The following FHIP1A variants were observed in gnomAD, a reference collection of about 807,000 sequenced individuals.
The protein encoded by FHIP1A is FHF complex subunit HOOK-interacting protein 1A.
Under a neutral mutation model 88.6 loss-of-function variants are expected in FHIP1A, and 61 were observed. The observed-to-expected ratio is 0.69, with a 90% CI of 0.56 to 0.85. The LOEUF (loss-of-function observed/expected upper bound fraction) is 0.85. FHIP1A is among the 40% of genes least tolerant of loss of function. The pLI, the probability that FHIP1A is intolerant of heterozygous loss-of-function variation, is 0.00. For synonymous variants in FHIP1A, 478 were observed against 496.0 expected (o/e 0.96, Z 0.48); for missense variants, 1,154 against 1,273.5 (o/e 0.91, Z 1.43).
intron 3 of FHIP1A, among the ~76,000 whole-genome samples, chr4:151,513,914 G>C (rs1731129107): frequency 6.7e-6 from 1 of 150,256 alleles, no homozygotes; most frequent in African/African-American, 2.5e-5. Flanking sequence ...AGTTAACAAG[G>C]ATACCCAGGA....
intron 1 of FHIP1A, among the ~76,000 whole-genome samples, chr4:151,411,759 T>C (rs1332748260): frequency 6.6e-6 from 1 of 152,212 alleles, no homozygotes; most frequent in Non-Finnish European, 1.5e-5. Context: ...CTTTATTCTG[T>C]GTACATCTGT....
intron 1 of FHIP1A, among the ~76,000 whole-genome samples, chr4:151,411,774 T>C (rs547010429): frequency 6.6e-6 from 1 of 152,314 alleles, no homozygotes; most frequent in African/African-American, 2.4e-5. Flanking sequence ...ATCTGTCTTC[T>C]AGGGTGATAC....
chr4:151,608,877 TTAGTAG>T (rs1312158395), intron 7 of FHIP1A, among the ~76,000 whole-genome samples: 5 of 152,190 alleles, frequency 3.3e-5, no homozygotes, highest in African/African-American at 9.7e-5. Context: ...AACTTAAGAC[TTAGTAG>T]TAGTATCTAA....
intron 1 of FHIP1A, among the ~76,000 whole-genome samples, chr4:151,416,466 A>G (rs1732894467): frequency 6.6e-6 from 1 of 152,160 alleles, no homozygotes. Flanking sequence ...TGTAATTTCT[A>G]TACACACATA....
At chr4:151,635,124 C>CA (rs1736301366) in intron 8 of FHIP1A, among the ~76,000 whole-genome samples, 1 of 151,448 alleles carries the variant, frequency 6.6e-6, no homozygotes, top group Admixed American at 6.6e-5. Context: ...TACAAAGGAC[C>CA]AAAAAATATA....
At chr4:151,609,746 T>C (rs1304717661) in intron 7 of FHIP1A, among the ~76,000 whole-genome samples, 1 of 152,172 alleles carries the variant, frequency 6.6e-6, no homozygotes, top group African/African-American at 2.4e-5. Flanking sequence ...GAAGACCAGA[T>C]CTTTCCTCTC....
intron 7 of FHIP1A, among the ~76,000 whole-genome samples, chr4:151,607,361 A>G (rs4696101): frequency 0.28 from 42,922 of 152,160 alleles, 6,335 homozygotes; most frequent in Non-Finnish European, 0.33. Flanking sequence ...CGGTAGCACT[A>G]TTAAATCTGG....
intron 8 of FHIP1A, among the ~76,000 whole-genome samples, chr4:151,633,643 C>T (rs1397543661): frequency 6.6e-6 from 1 of 151,794 alleles, no homozygotes; most frequent in African/African-American, 2.4e-5. Context: ...TGCAATGATA[C>T]TTCACCATAT....
intron 8 of FHIP1A, among the ~76,000 whole-genome samples, chr4:151,631,249 A>G (rs927191352): frequency 3.3e-5 from 5 of 152,090 alleles, no homozygotes; most frequent in African/African-American, 9.7e-5. Context: ...TAGGCTGAGA[A>G]AAAAAGAGGG....
In FHIP1A at chr4:151,666,835, C is replaced by G. The variant is rs1737683574; in HGVS notation, c.*4081C>G. Among the ~76,000 whole-genome samples the G allele has an allele frequency of 1.3e-5, 2 of 152,206 alleles. No individual in the cohort carries two copies. Among genetic ancestry groups the G allele is most frequent in the African/African-American group, 4.8e-5 (2 of 41,448 alleles). On this transcript the variant is annotated 3_prime_UTR_variant, in exon 14 of 14. Coordinates refer to ENST00000435205, the MANE Select transcript of FHIP1A (RefSeq NM_001109977.3). Reference sequence around the variant, plus strand: ...GATGGCATCGTCCTCTGGGAATAATCAGTCCTTAATACAGTTTTCACTTGA... The same window carrying G: ...GATGGCATCGTCCTCTGGGAATAATGAGTCCTTAATACAGTTTTCACTTGA...
intron 3 of FHIP1A, among the ~76,000 whole-genome samples, chr4:151,553,982 A>G (rs1732846811): frequency 6.6e-6 from 1 of 152,152 alleles, no homozygotes; most frequent in Admixed American, 6.5e-5. Context: ...CAAGGTATTT[A>G]TGCAGGAGCT....
At chr4:151,522,688 A>G (rs10024847) in intron 3 of FHIP1A, among the ~76,000 whole-genome samples, 57,517 of 152,106 alleles carry the variant, frequency 0.38, 11,129 homozygotes, top group Non-Finnish European at 0.43. Context: ...TGGCTTTCCA[A>G]TCTTCTCATC....
chr4:151,651,448 A>G (rs1426053013), intron 11 of FHIP1A, among the ~76,000 whole-genome samples: 1 of 152,228 alleles, frequency 6.6e-6, no homozygotes, highest in Non-Finnish European at 1.5e-5. Flanking sequence ...TTCAGGTAGC[A>G]AGGAGAGGGG....
chr4:151,513,905 G>A (rs1731128630), intron 3 of FHIP1A, among the ~76,000 whole-genome samples: 1 of 150,584 alleles, frequency 6.6e-6, no homozygotes, highest in African/African-American at 2.5e-5. Flanking sequence ...GAGACAGAAA[G>A]TTAACAAGGA....
intron 3 of FHIP1A, among the ~76,000 whole-genome samples, chr4:151,557,702 G>T (rs1733004778): frequency 6.6e-6 from 1 of 152,210 alleles, no homozygotes; most frequent in African/African-American, 2.4e-5. Context: ...CTTTGCTGTG[G>T]CAGAGAAGTT....
chr4:151,608,992 G>T (rs1399839639), intron 7 of FHIP1A, among the ~76,000 whole-genome samples: 2 of 152,140 alleles, frequency 1.3e-5, no homozygotes, highest in Admixed American at 6.5e-5. Flanking sequence ...ATTGAGCGGG[G>T]TACCTCCCAT....
Position 151,646,574 on chromosome 4 carries a change from A to C in FHIP1A, c.1243A>C (p.Asn415His), listed in dbSNP as rs188094362. ...QLVLRYLIPC[N>H]HMMLSQRWAV... ...TCATTCTAGGTATCTGATCCCCTGC[A>C]ATCACATGATGCTGAGTCAGAGGTG... The change falls in exon 10 of 14, where the codon AAT becomes CAT. Residue 415 changes from asparagine (N) to histidine (H), a missense_variant. Asn to His is a moderately conservative substitution (Grantham distance 68). Transcript: ENST00000435205. The C allele has an allele frequency of 1.6e-4, 255 of 1,551,334 alleles. 1 individual carries two copies. The highest frequency in any genetic ancestry group is 1.5e-3 in the East Asian group (62 of 40,914).
intron 11 of FHIP1A, among the ~76,000 whole-genome samples, chr4:151,651,384 G>A (rs1434985920): frequency 6.6e-6 from 1 of 152,232 alleles, no homozygotes; most frequent in African/African-American, 2.4e-5. Flanking sequence ...AATCGCCATA[G>A]ATGAGAGGGC....
intron 5 of FHIP1A, among the ~76,000 whole-genome samples, chr4:151,580,302 T>C (rs992178491): frequency 2.0e-5 from 3 of 152,194 alleles, no homozygotes; most frequent in Non-Finnish European, 2.9e-5. Flanking sequence ...TTCCTGCAAA[T>C]TGGACTTAGA....
Sources: allele counts gnomAD v4.1 joint callset (sites outside exome capture counted in the v4.1 genomes callset), GRCh38; gene constraint gnomAD v4.1.1; transcripts MANE v1.5; gene names NCBI Gene and HGNC (gene_info 2026-07-23, HGNC 2026-07-21).